TSPAN18: variants seen among roughly 807,000 people sequenced by gnomAD.
TSPAN18 encodes the protein tetraspanin 18.
TSPAN18 carries 14 observed loss-of-function variants against 27.3 expected under a neutral mutation model. The ratio of observed to expected loss-of-function variants is 0.51; its 90% CI spans 0.34 to 0.80. The LOEUF (loss-of-function observed/expected upper bound fraction) is 0.80, where lower values mean the gene tolerates loss of function less well. Among genes scored for constraint, TSPAN18 ranks in the 30% least tolerant of loss-of-function variants. The pLI is 0.01. For missense variants in TSPAN18, 268 were observed against 323.9 expected (o/e 0.83, Z 1.32); for synonymous variants, 143 against 136.5 (o/e 1.05, Z -0.33).
At chr11:44,817,682 C>A (rs965896022) in intron 2 of TSPAN18, among the ~76,000 whole-genome samples, 13 of 152,216 alleles carry the variant, frequency 8.5e-5, no homozygotes, top group African/African-American at 2.7e-4. Flanking sequence ...TGGACAGTCA[C>A]TCCACCCATG....
At chr11:44,893,148 A>G (rs936176997) in intron 3 of TSPAN18, among the ~76,000 whole-genome samples, 3 of 152,196 alleles carry the variant, frequency 2.0e-5, no homozygotes, top group Non-Finnish European at 4.4e-5. Context: ...GGTGTTCTAC[A>G]TGGGACAGAG....
chr11:44,809,068 A>G (rs1203671782), intron 2 of TSPAN18, among the ~76,000 whole-genome samples: 1 of 152,160 alleles, frequency 6.6e-6, no homozygotes, highest in Non-Finnish European at 1.5e-5. Flanking sequence ...CACACTGTTC[A>G]CTGATGCAGG....
At chr11:44,861,534 A>G (rs1407291276) in intron 3 of TSPAN18, among the ~76,000 whole-genome samples, 1 of 124,896 alleles carries the variant, frequency 8.0e-6, no homozygotes, top group Non-Finnish European at 1.7e-5. Context: ...GGGTTGGGGA[A>G]GTCAGCCTGA....
chr11:44,805,862 CTCTG>C (rs569157112), intron 2 of TSPAN18, among the ~76,000 whole-genome samples: 264 of 152,210 alleles, frequency 1.7e-3, no homozygotes, highest in African/African-American at 6.1e-3. Context: ...TTCCCTCTCT[CTCTG>C]TCTGTCTCTC....
intron 3 of TSPAN18, chr11:44,897,651 T>C: frequency 1.6e-6 from 1 of 644,298 alleles, no homozygotes; most frequent in Non-Finnish European, 2.4e-6. Flanking sequence ...TTGCCCCGAG[T>C]GTGTGTATCT....
intron 1 of TSPAN18, among the ~76,000 whole-genome samples, chr11:44,730,662 C>A (rs1240503917): frequency 6.7e-6 from 1 of 149,462 alleles, no homozygotes; most frequent in East Asian, 2.0e-4. Context: ...CTTGCTCTGT[C>A]GCCCAGGCTG....
chr11:44,876,290 G>A (rs1351310415), intron 3 of TSPAN18, among the ~76,000 whole-genome samples: 4 of 152,164 alleles, frequency 2.6e-5, no homozygotes, highest in Admixed American at 1.3e-4. Context: ...CCAGGGAGGC[G>A]GGTGTTATGT....
chr11:44,799,886 A>G (rs1856437421), intron 2 of TSPAN18, among the ~76,000 whole-genome samples: 1 of 152,046 alleles, frequency 6.6e-6, no homozygotes, highest in Non-Finnish European at 1.5e-5. Context: ...TCTGGAGTGC[A>G]GTGGCACGAT....
chr11:44,908,901 T>G (rs1302603358), intron 4 of TSPAN18, among the ~76,000 whole-genome samples: 1 of 151,914 alleles, frequency 6.6e-6, no homozygotes, highest in Non-Finnish European at 1.5e-5. Context: ...AGGGCTGCCT[T>G]AGGATGAAGG....
At chr11:44,780,909 T>C (rs895023087) in intron 2 of TSPAN18, among the ~76,000 whole-genome samples, 1 of 152,238 alleles carries the variant, frequency 6.6e-6, no homozygotes, top group Non-Finnish European at 1.5e-5. Flanking sequence ...GTGGGGACCC[T>C]GGGAAACAGT....
intron 1 of TSPAN18, among the ~76,000 whole-genome samples, chr11:44,750,896 C>T (rs890267439): frequency 2.0e-5 from 3 of 152,238 alleles, no homozygotes; most frequent in Non-Finnish European, 4.4e-5. Context: ...ACAGGCAGTG[C>T]CCTCATCCTC....
intron 6 of TSPAN18, 33 bp from the exon 7 acceptor site, chr11:44,919,181 A>T: frequency 6.3e-7 from 1 of 1,579,780 alleles, no homozygotes; most frequent in Non-Finnish European, 8.7e-7. Context: ...CCCAACTGCC[A>T]GGCCTAAGCC....
chr11:44,752,616 A>G (rs764796076), intron 1 of TSPAN18, among the ~76,000 whole-genome samples: 3 of 152,240 alleles, frequency 2.0e-5, no homozygotes, highest in Non-Finnish European at 2.9e-5. Flanking sequence ...ATATATCTCT[A>G]TATAAATGAG....
chr11:44,852,567 G>C (rs993090284), intron 2 of TSPAN18, among the ~76,000 whole-genome samples: 3 of 152,200 alleles, frequency 2.0e-5, no homozygotes, highest in African/African-American at 7.2e-5. Flanking sequence ...GGCCTTCTTT[G>C]TGCAAACATG....
chr11:44,918,655 A>G (rs1860005843), intron 6 of TSPAN18, among the ~76,000 whole-genome samples: 1 of 152,004 alleles, frequency 6.6e-6, no homozygotes, highest in Admixed American at 6.5e-5. Flanking sequence ...GCAGAGGAGG[A>G]GGCCACCACA....
chr11:44,757,632 A>G lies in TSPAN18; in HGVS notation c.-239-6794A>G, dbSNP rs149743415. Among the ~76,000 whole-genome samples, 5 of 152,250 alleles carry G rather than the reference A, an allele frequency of 3.3e-5. No homozygotes were observed. The East Asian group carries it at 9.6e-4, about 29-fold the overall frequency. On this transcript the variant is annotated intron_variant, in intron 1 of 9. Coordinates refer to ENST00000520358, the MANE Select transcript of TSPAN18 (RefSeq NM_130783.5). ...ACTCTTGGGCTCAAGAGATCTGCCC[A>G]TCTCTTCCTCCCAAAGTGCTAGGAT...
chr11:44,929,023 T>C (rs1590710988), intron 9 of TSPAN18, 108 bp from the exon 10 acceptor site: 2 of 1,351,042 alleles, frequency 1.5e-6, no homozygotes, highest in Non-Finnish European at 2.1e-6. Context: ...AGGGGAGGAG[T>C]GTGCTAAGAG....
At chr11:44,747,109 C>T (rs570082932) in intron 1 of TSPAN18, among the ~76,000 whole-genome samples, 146 of 152,362 alleles carry the variant, frequency 9.6e-4, no homozygotes, top group African/African-American at 3.3e-3. Context: ...CTGCAGCTCC[C>T]AGCAGCTAAT....
In TSPAN18 at chr11:44,733,877, C is replaced by T. The variant is rs540033751; in HGVS notation, c.-240+6590C>T. Reference sequence around the variant, plus strand: ...GTCCTTGTGAGAGTGGGCAGGGAAGCGGAGGGTCCTGCTATAGTTTGGTTT... The same window carrying T: ...GTCCTTGTGAGAGTGGGCAGGGAAGTGGAGGGTCCTGCTATAGTTTGGTTT... On this transcript the variant is annotated intron_variant, in intron 1 of 9. Transcript: ENST00000520358. 1.1e-4 allele frequency among the ~76,000 whole-genome samples: 16 copies of T among 152,226 alleles called. No homozygotes were observed. In the East Asian group the frequency reaches 2.3e-3, roughly 22 times the overall value.
Sources: gnomAD v4.1 joint callset for allele counts (sites outside exome capture counted in the v4.1 genomes callset) on GRCh38, gnomAD v4.1.1 for gene constraint, MANE v1.5 for transcripts, NCBI Gene and HGNC (gene_info 2026-07-23, HGNC 2026-07-21) for gene names.